Variants in GOLM2 observed in about 807,000 individuals in gnomAD.
The protein encoded by GOLM2 is golgi membrane protein 2.
A neutral mutation model predicts 55.9 loss-of-function variants in GOLM2; 26 were observed. The ratio of observed to expected loss-of-function variants is 0.47; its 90% CI spans 0.34 to 0.65. The LOEUF (loss-of-function observed/expected upper bound fraction) is 0.65, where lower values mean the gene tolerates loss of function less well. Among genes scored for constraint, GOLM2 ranks in the 30% least tolerant of loss-of-function variants. GOLM2 has a pLI of 0.01. For synonymous variants in GOLM2, 165 were observed against 194.6 expected, an observed-to-expected ratio of 0.85 and a Z score of 1.27; for missense variants, 486 against 531.8, an observed-to-expected ratio of 0.91 and a Z score of 0.85.
intron 1 of GOLM2, among the ~76,000 whole-genome samples, chr15:44,313,871 A>G (rs1334439202): frequency 6.6e-6 from 1 of 152,208 alleles, no homozygotes; most frequent in Non-Finnish European, 1.5e-5. Context: ...AAGATGAATG[A>G]GTGAATGAAA....
chr15:44,353,842 A>G (rs2079180615), intron 6 of GOLM2, among the ~76,000 whole-genome samples: 1 of 152,206 alleles, frequency 6.6e-6, no homozygotes, highest in Admixed American at 6.5e-5. Context: ...CAAAAAATAG[A>G]AAGAATGAAC....
chr15:44,381,072 T>G, intron 8 of GOLM2, 96 bp downstream of exon 8: 1 of 694,160 alleles, frequency 1.4e-6, no homozygotes, highest in East Asian at 3.3e-5. Flanking sequence ...AAATGTATAG[T>G]GAAGTTATAT....
chr15:44,413,627 A>G lies in GOLM2; in HGVS notation c.*221A>G. On this transcript the variant is annotated 3_prime_UTR_variant, in exon 10 of 10. Transcript: ENST00000299957. The stretch of plus-strand genomic sequence containing the variant: ...AGACTTTTTTGGTTATGATACAGTT[A>G]AGCCAAAAACAGCTAATCTTTGCAT... 4.6e-6 allele frequency: 2 copies of G among 433,256 alleles called. No homozygotes were observed. The highest frequency in any genetic ancestry group is 8.4e-6 in the Non-Finnish European group (2 of 239,450). 26.8% of individuals were successfully genotyped at this position (433,256 alleles called of 1,614,324 possible). A position where few individuals can be genotyped will look rare whatever the true frequency, so the allele number is the denominator to read the frequency against.
chr15:44,317,196 G>A (rs1324081190), intron 1 of GOLM2, among the ~76,000 whole-genome samples: 1 of 151,278 alleles, frequency 6.6e-6, no homozygotes, highest in South Asian at 2.1e-4. Flanking sequence ...AAAAAAGTGA[G>A]ACCCCCCCAT....
At chr15:44,369,274 A>G (rs1436912659) in intron 6 of GOLM2, among the ~76,000 whole-genome samples, 1 of 146,698 alleles carries the variant, frequency 6.8e-6, no homozygotes, top group East Asian at 2.0e-4. Flanking sequence ...GTACATATAC[A>G]TTCTTAGATT....
chr15:44,317,370 C>T (rs2078917758), intron 1 of GOLM2, among the ~76,000 whole-genome samples: 2 of 152,098 alleles, frequency 1.3e-5, no homozygotes, highest in Middle Eastern at 3.4e-3. Flanking sequence ...GGGCAAGACC[C>T]TGTCTCAAAA....
chr15:44,335,096 A>T (rs1274317295), intron 4 of GOLM2, among the ~76,000 whole-genome samples: 1 of 152,170 alleles, frequency 6.6e-6, no homozygotes, highest in African/African-American at 2.4e-5. Context: ...CCTGAAACAG[A>T]AAAAGGACTT....
intron 6 of GOLM2, among the ~76,000 whole-genome samples, chr15:44,358,681 T>C (rs916753160): frequency 6.6e-6 from 1 of 152,218 alleles, no homozygotes; most frequent in Non-Finnish European, 1.5e-5. Context: ...ATAGACGTTA[T>C]ACCCTCCACA....
chr15:44,300,393 GT>G (rs2078789743), intron 1 of GOLM2, among the ~76,000 whole-genome samples: 1 of 152,076 alleles, frequency 6.6e-6, no homozygotes, highest in African/African-American at 2.4e-5. Flanking sequence ...TTTGAAACAA[GT>G]TTTCACTTTT....
intron 6 of GOLM2, among the ~76,000 whole-genome samples, chr15:44,373,366 A>G (rs951557103): frequency 6.6e-6 from 1 of 151,526 alleles, no homozygotes; most frequent in African/African-American, 2.4e-5. Context: ...CTGAGGCAGG[A>G]GAATGGCGTG....
At chr15:44,300,540 G>C (rs1008372026) in intron 1 of GOLM2, among the ~76,000 whole-genome samples, 6 of 152,140 alleles carry the variant, frequency 3.9e-5, no homozygotes, top group Non-Finnish European at 8.8e-5. Context: ...GGATTTAGTT[G>C]TGCAGAAAAA....
At chr15:44,393,183 A>T (rs2079503171) in intron 8 of GOLM2, among the ~76,000 whole-genome samples, 1 of 152,214 alleles carries the variant, frequency 6.6e-6, no homozygotes, top group African/African-American at 2.4e-5. Flanking sequence ...TATTACATGC[A>T]AGATTTATAT....
At chr15:44,397,508 CCACA>C (rs10695192) in intron 8 of GOLM2, among the ~76,000 whole-genome samples, 31 of 130,012 alleles carry the variant, frequency 2.4e-4, no homozygotes, top group Admixed American at 1.1e-3. Context: ...AAAAACAAAA[CCACA>C]CACACACACA....
intron 9 of GOLM2, among the ~76,000 whole-genome samples, chr15:44,411,053 ACT>A (rs1205368439): frequency 7.7e-6 from 1 of 129,542 alleles, no homozygotes; most frequent in Admixed American, 8.3e-5. Flanking sequence ...ATAGGGTTTA[ACT>A]CTGTTACCCA....
chr15:44,369,206 ATGTGTGTG>A (rs551489001), intron 6 of GOLM2, among the ~76,000 whole-genome samples: 5 of 110,194 alleles, frequency 4.5e-5, no homozygotes, highest in East Asian at 3.3e-4. Flanking sequence ...ATATATATAT[ATGTGTGTG>A]TGTGTGTGTG....
intron 1 of GOLM2, among the ~76,000 whole-genome samples, chr15:44,306,875 T>C (rs2141116029): frequency 6.6e-6 from 1 of 152,316 alleles, no homozygotes; most frequent in South Asian, 2.1e-4. Flanking sequence ...TTATTCTATT[T>C]ACACACACAA....
chr15:44,330,891 G>A (rs183680372), intron 3 of GOLM2, among the ~76,000 whole-genome samples: 9 of 152,228 alleles, frequency 5.9e-5, no homozygotes, highest in Non-Finnish European at 1.3e-4. Context: ...TTATAATGTA[G>A]ACATTTCCCC....
chr15:44,316,517 A>T (rs966960026), intron 1 of GOLM2, among the ~76,000 whole-genome samples: 2 of 152,146 alleles, frequency 1.3e-5, no homozygotes, highest in Non-Finnish European at 2.9e-5. Flanking sequence ...GCACTTTGGG[A>T]GGCCGAGGCA....
chr15:44,298,485 A>G (rs560309863), intron 1 of GOLM2, among the ~76,000 whole-genome samples: 74 of 145,492 alleles, frequency 5.1e-4, no homozygotes, highest in African/African-American at 1.8e-3. Flanking sequence ...CACATTGGCC[A>G]GGCTGGTCTC....
Sources: allele counts gnomAD v4.1 joint callset (sites outside exome capture counted in the v4.1 genomes callset), GRCh38; gene constraint gnomAD v4.1.1; transcripts MANE v1.5; gene names NCBI Gene and HGNC (gene_info 2026-07-23, HGNC 2026-07-21).